DIP2C: variants seen among roughly 807,000 people sequenced by gnomAD.
The protein encoded by DIP2C is DIP2 acetate--CoA ligase C (putative).
A neutral mutation model predicts 192.4 loss-of-function variants in DIP2C; 33 were observed. The observed-to-expected ratio is 0.17, with a 90% CI of 0.13 to 0.23. The LOEUF (loss-of-function observed/expected upper bound fraction) is 0.23. Ranked by LOEUF, DIP2C falls within the 10% of genes least tolerant of loss-of-function variation. The pLI is 1.00. For missense variants in DIP2C, 1,537 were observed against 2,110.1 expected, an observed-to-expected ratio of 0.73 and a Z score of 5.32; for synonymous variants, 979 against 864.1, an observed-to-expected ratio of 1.13 and a Z score of -2.33.
intron 1 of DIP2C, among the ~76,000 whole-genome samples, chr10:504,529 G>C (rs1215456687): frequency 6.6e-6 from 1 of 152,200 alleles, no homozygotes; most frequent in African/African-American, 2.4e-5. Flanking sequence ...AGATGACCAT[G>C]CAGAGAAGCA....
intron 1 of DIP2C, among the ~76,000 whole-genome samples, chr10:597,737 C>T (rs1333586293): frequency 1.3e-5 from 2 of 152,204 alleles, no homozygotes; most frequent in Non-Finnish European, 2.9e-5. Flanking sequence ...ACTTCTGTCC[C>T]TTCATGTTTT....
chr10:381,425 C>G (rs966294921), intron 17 of DIP2C, among the ~76,000 whole-genome samples: 2 of 152,120 alleles, frequency 1.3e-5, no homozygotes, highest in Non-Finnish European at 1.5e-5. Flanking sequence ...TTCGGTCCTT[C>G]GGTGTGTTGA....
intron 1 of DIP2C, among the ~76,000 whole-genome samples, chr10:635,147 C>T (rs1349096562): frequency 6.6e-6 from 1 of 152,170 alleles, no homozygotes; most frequent in Admixed American, 6.5e-5. Flanking sequence ...AGGAGAGAGG[C>T]GGACAGTCAC....
intron 1 of DIP2C, among the ~76,000 whole-genome samples, chr10:566,775 C>G (rs554163371): frequency 6.6e-6 from 1 of 152,170 alleles, no homozygotes; most frequent in Admixed American, 6.5e-5. Context: ...TCAGGCCCAT[C>G]GGACAGACAG....
intron 1 of DIP2C, among the ~76,000 whole-genome samples, chr10:538,174 T>C (rs1274986552): frequency 6.6e-6 from 1 of 152,136 alleles, no homozygotes; most frequent in Non-Finnish European, 1.5e-5. Context: ...GGAGTTTTCT[T>C]TGGGACAGGG....
At chr10:290,021 C>T (rs766547151) in intron 32 of DIP2C, among the ~76,000 whole-genome samples, 2 of 152,198 alleles carry the variant, frequency 1.3e-5, no homozygotes, top group African/African-American at 2.4e-5. Context: ...GCACCCGTGC[C>T]GGGGAGGATC....
chr10:370,959 A>G (rs989391252), intron 17 of DIP2C, among the ~76,000 whole-genome samples: 4 of 152,238 alleles, frequency 2.6e-5, no homozygotes, highest in African/African-American at 9.6e-5. Flanking sequence ...AAGAATCAAA[A>G]AGGATAGAGC....
At chr10:603,143 A>G (rs1412488092) in intron 1 of DIP2C, among the ~76,000 whole-genome samples, 1 of 151,946 alleles carries the variant, frequency 6.6e-6, no homozygotes, top group Non-Finnish European at 1.5e-5. Context: ...AAGTCTGCAG[A>G]GTTTTCATAT....
intron 1 of DIP2C, among the ~76,000 whole-genome samples, chr10:660,104 T>G (rs1222497088): frequency 6.6e-6 from 1 of 152,256 alleles, no homozygotes; most frequent in East Asian, 1.9e-4. Flanking sequence ...TTCAGCTCTG[T>G]GTATGAAACA....
chr10:591,188 T>C (rs1055082945), intron 1 of DIP2C, among the ~76,000 whole-genome samples: 2 of 152,176 alleles, frequency 1.3e-5, no homozygotes, highest in Non-Finnish European at 2.9e-5. Context: ...AGTGGCGTGA[T>C]CTCGGCTCAC....
At chr10:399,790 GCTGA>G (rs140044550) in intron 9 of DIP2C, among the ~76,000 whole-genome samples, 2,304 of 152,322 alleles carry the variant, frequency 0.015, 58 homozygotes, top group African/African-American at 0.052. Context: ...GTTCGTGGAG[GCTGA>G]CTATGAGTAA....
chr10:300,842 G>C lies in DIP2C; in HGVS notation c.3986+9189C>G, dbSNP rs1302523858. Among the ~76,000 whole-genome samples, 136 of 140,168 alleles carry C rather than the reference G, an allele frequency of 9.7e-4. 1 individual carries two copies. Among genetic ancestry groups the C allele is most frequent in the African/African-American group, 3.4e-3 (128 of 37,422 alleles). The allele number at this position is 140,168 out of a possible 152,430, so 92.0% of individuals were successfully genotyped here. On this transcript the variant is annotated intron_variant, in intron 32 of 36. Coordinates refer to ENST00000280886, the MANE Select transcript of DIP2C (RefSeq NM_014974.3). ...AGCGTGTGGAGAAACCGGATCCAGG[G>C]GCGGCCCTGAGCGTGTGGAGAAACC...
At chr10:404,074 A>C (rs113376927) in intron 9 of DIP2C, among the ~76,000 whole-genome samples, 4 of 151,322 alleles carry the variant, frequency 2.6e-5, no homozygotes, top group Admixed American at 1.3e-4. Flanking sequence ...TTTCATCAGC[A>C]CATGAATCCT....
chr10:472,576 G>A lies in DIP2C; in HGVS notation c.158-27C>T, dbSNP rs775895062. The A allele has an allele frequency of 1.3e-5, 21 of 1,582,258 alleles. No homozygotes were observed. The Middle Eastern group carries it at 8.3e-4, about 63-fold the overall frequency. Reference sequence around the variant, plus strand: ...TGGATTTCAATAAAAACAGCAGAGTGAGGTGTGACTGTACTCAGCGGAGTC... The same window carrying A: ...TGGATTTCAATAAAAACAGCAGAGTAAGGTGTGACTGTACTCAGCGGAGTC... On this transcript the variant is annotated intron_variant, in intron 2 of 36. Transcript: ENST00000280886.
chr10:454,931 C>G (rs11252522), intron 3 of DIP2C, among the ~76,000 whole-genome samples: 1 of 151,874 alleles, frequency 6.6e-6, no homozygotes, highest in South Asian at 2.1e-4. Flanking sequence ...TAGAAAAACC[C>G]ATACCCTTCA....
chr10:479,029 C>CT (rs928819604), intron 2 of DIP2C, among the ~76,000 whole-genome samples: 1 of 152,174 alleles, frequency 6.6e-6, no homozygotes, highest in African/African-American at 2.4e-5. Context: ...GAAGCCTGCT[C>CT]TGGGCCCTTA....
intron 2 of DIP2C, among the ~76,000 whole-genome samples, chr10:483,963 C>A (rs919020372): frequency 4.6e-5 from 7 of 150,594 alleles, no homozygotes; most frequent in African/African-American, 1.7e-4. Flanking sequence ...ATCACAGGCA[C>A]CCACCATCAT....
At chr10:656,932 T>C (rs927058938) in intron 1 of DIP2C, among the ~76,000 whole-genome samples, 1 of 152,220 alleles carries the variant, frequency 6.6e-6, no homozygotes, top group African/African-American at 2.4e-5. Context: ...TAACATCCAC[T>C]GTGAGGAACT....
chr10:598,129 G>T (rs894097064), intron 1 of DIP2C, among the ~76,000 whole-genome samples: 1 of 152,232 alleles, frequency 6.6e-6, no homozygotes, highest in Admixed American at 6.5e-5. Flanking sequence ...CTCCCACGAG[G>T]AAAGTGCCAG....
Sources: gnomAD v4.1 joint callset for allele counts (sites outside exome capture counted in the v4.1 genomes callset) on GRCh38, gnomAD v4.1.1 for gene constraint, MANE v1.5 for transcripts, NCBI Gene and HGNC (gene_info 2026-07-23, HGNC 2026-07-21) for gene names.